ANKS1B: variants seen among roughly 807,000 people sequenced by gnomAD.
ANKS1B encodes the protein ankyrin repeat and sterile alpha motif domain-containing protein 1B.
ANKS1B carries 36 observed loss-of-function variants against 148.3 expected under a neutral mutation model. That is an observed-to-expected ratio of 0.24 (90% confidence interval 0.19 to 0.32). The LOEUF (loss-of-function observed/expected upper bound fraction) is 0.32. Among genes scored for constraint, ANKS1B ranks in the 10% least tolerant of loss-of-function variants. The pLI, the probability that ANKS1B is intolerant of heterozygous loss-of-function variation, is 1.00. For missense variants in ANKS1B, 1,157 were observed against 1,542.6 expected, an observed-to-expected ratio of 0.75 and a Z score of 4.19; for synonymous variants, 542 against 560.8, an observed-to-expected ratio of 0.97 and a Z score of 0.47.
intron 4 of ANKS1B, 22 bp downstream of exon 4, chr12:99,806,382 G>C: frequency 6.2e-7 from 1 of 1,610,598 alleles, no homozygotes; most frequent in Non-Finnish European, 8.5e-7. Flanking sequence ...CACTTTTAAA[G>C]CATAGCTAAA....
At chr12:99,077,608 G>A (rs535783454) in intron 16 of ANKS1B, among the ~76,000 whole-genome samples, 29 of 152,252 alleles carry the variant, frequency 1.9e-4, no homozygotes, top group African/African-American at 6.0e-4. Context: ...ACACTTTTCC[G>A]CTAAAGCGTA....
At chr12:99,975,311 C>G (rs2095612816) in intron 1 of ANKS1B, among the ~76,000 whole-genome samples, 2 of 152,198 alleles carry the variant, frequency 1.3e-5, no homozygotes, top group African/African-American at 4.8e-5. Flanking sequence ...CTGCTTCTTT[C>G]TAAAAGCTTT....
chr12:99,888,846 C>G (rs910937168), intron 1 of ANKS1B, among the ~76,000 whole-genome samples: 3 of 152,012 alleles, frequency 2.0e-5, no homozygotes, highest in Non-Finnish European at 4.4e-5. Context: ...ACAACAATAA[C>G]TATTTGTTTC....
At chr12:98,764,290 G>A (rs1482200131) in intron 25 of ANKS1B, among the ~76,000 whole-genome samples, 2 of 152,168 alleles carry the variant, frequency 1.3e-5, no homozygotes, top group Non-Finnish European at 2.9e-5. Flanking sequence ...GCAGTGGCAC[G>A]ATCTCAGCTC....
chr12:99,574,332 A>G (rs2097494060), intron 9 of ANKS1B, among the ~76,000 whole-genome samples: 1 of 152,108 alleles, frequency 6.6e-6, no homozygotes, highest in Non-Finnish European at 1.5e-5. Flanking sequence ...CTAAGCTACA[A>G]AAGTTGTTGC....
chr12:99,120,446 A>T (rs1337817209), intron 15 of ANKS1B, among the ~76,000 whole-genome samples: 2 of 152,206 alleles, frequency 1.3e-5, no homozygotes, highest in African/African-American at 2.4e-5. Context: ...ACCAATAATT[A>T]AAAACATCTG....
intron 9 of ANKS1B, among the ~76,000 whole-genome samples, chr12:99,520,700 T>C (rs753602856): frequency 7.9e-5 from 12 of 152,198 alleles, no homozygotes; most frequent in Non-Finnish European, 1.6e-4. Flanking sequence ...CTCTTAGATT[T>C]GACCTTTTGA....
At chr12:99,581,732 T>C (rs1159216063) in intron 9 of ANKS1B, among the ~76,000 whole-genome samples, 1 of 149,032 alleles carries the variant, frequency 6.7e-6, no homozygotes, top group Admixed American at 6.6e-5. Flanking sequence ...CTACTAAAAA[T>C]ACAAAAAAAT....
chr12:99,034,173 G>A (rs73386555), intron 17 of ANKS1B, among the ~76,000 whole-genome samples: 5,547 of 152,248 alleles, frequency 0.036, 349 homozygotes, highest in African/African-American at 0.13. Flanking sequence ...CTCTGTAGTC[G>A]TACAAAGCAG....
chr12:99,921,214 G>T (rs1174964411), intron 1 of ANKS1B, among the ~76,000 whole-genome samples: 2 of 152,118 alleles, frequency 1.3e-5, no homozygotes, highest in Non-Finnish European at 1.5e-5. Flanking sequence ...GATCATGGGG[G>T]TGGTTTCCCC....
At chr12:99,732,925 T>C (rs2153570368) in intron 8 of ANKS1B, among the ~76,000 whole-genome samples, 1 of 152,232 alleles carries the variant, frequency 6.6e-6, no homozygotes, top group Admixed American at 6.5e-5. Context: ...CATTCAGTTA[T>C]AAGACCAACA....
intron 8 of ANKS1B, among the ~76,000 whole-genome samples, chr12:99,731,187 C>T (rs769830559): frequency 4.6e-5 from 7 of 152,124 alleles, no homozygotes; most frequent in African/African-American, 1.4e-4. Flanking sequence ...GGCACGATCT[C>T]GGCTCACCGC....
chr12:98,866,212 G>A (rs148942793), intron 17 of ANKS1B, among the ~76,000 whole-genome samples: 3 of 152,214 alleles, frequency 2.0e-5, no homozygotes, highest in Admixed American at 6.5e-5. Flanking sequence ...GAGTGTCCCT[G>A]GCATGTTGCT....
intron 12 of ANKS1B, among the ~76,000 whole-genome samples, chr12:99,320,367 A>C (rs528112254): frequency 2.0e-5 from 3 of 152,082 alleles, no homozygotes; most frequent in Non-Finnish European, 4.4e-5. Flanking sequence ...ATAGTCCCAT[A>C]CTTTTTGGAG....
intron 1 of ANKS1B, among the ~76,000 whole-genome samples, chr12:99,865,376 G>A (rs752617044): frequency 2.6e-5 from 4 of 152,126 alleles, no homozygotes; most frequent in African/African-American, 9.7e-5. Context: ...CGTAATCCAA[G>A]TATGTATATG....
At chr12:99,767,058 C>T (rs1424464921) in intron 8 of ANKS1B, among the ~76,000 whole-genome samples, 1 of 151,754 alleles carries the variant, frequency 6.6e-6, no homozygotes, top group Non-Finnish European at 1.5e-5. Flanking sequence ...AAGTAGGGAC[C>T]TCACTCCCAG....
At chr12:99,490,355 C>T (rs1406587621) in intron 10 of ANKS1B, among the ~76,000 whole-genome samples, 1 of 152,202 alleles carries the variant, frequency 6.6e-6, no homozygotes, top group Non-Finnish European at 1.5e-5. Context: ...ACAAACTATT[C>T]CCCTATTCTG....
rs775901457 is a variant in ANKS1B, at chr12:99,615,213, A to G, written c.1272+39854T>C. On this transcript the variant is annotated intron_variant, in intron 9 of 26. Transcript: ENST00000683438. ...CAGACAGACAGACAGACAGATACAC[A>G]CACATAAACTCATGCATAGAAAAAA... Among the ~76,000 whole-genome samples, 118 of 152,192 alleles carry G rather than the reference A, an allele frequency of 7.8e-4. 2 individuals carry two copies. The highest frequency in any genetic ancestry group is 2.4e-4 in the Non-Finnish European group (16 of 68,030).
intron 12 of ANKS1B, among the ~76,000 whole-genome samples, chr12:99,248,616 G>A (rs184374144): frequency 6.6e-6 from 1 of 152,282 alleles, no homozygotes; most frequent in East Asian, 1.9e-4. Context: ...AATAGTGAGT[G>A]GATAGTGGGA....
Sources: gnomAD v4.1 joint callset for allele counts (sites outside exome capture counted in the v4.1 genomes callset) on GRCh38, gnomAD v4.1.1 for gene constraint, MANE v1.5 for transcripts, NCBI Gene and HGNC (gene_info 2026-07-23, HGNC 2026-07-21) for gene names.